ZNF785: variants seen among roughly 807,000 people sequenced by gnomAD.
ZNF785 encodes the protein zinc finger protein 785.
In ZNF785, 15 loss-of-function variants were observed where a neutral mutation model predicts 11.3. That is an observed-to-expected ratio of 1.32 (90% CI 0.89 to 2.04). ZNF785 has a LOEUF of 2.04. ZNF785 is among the 30% of genes most tolerant of loss of function. The pLI is 0.00. For synonymous variants in ZNF785, 221 were observed against 231.0 expected (o/e 0.96, Z 0.39); for missense variants, 572 against 560.9 (o/e 1.02, Z -0.20).
At chr16:30,584,412 G>T (rs1182097255) in intron 2 of ZNF785, among the ~76,000 whole-genome samples, 1 of 152,164 alleles carries the variant, frequency 6.6e-6, no homozygotes, top group Non-Finnish European at 1.5e-5. Context: ...AGCACTTTGG[G>T]AGGCAGAGGC....
In ZNF785 at chr16:30,582,804, G is replaced by T. The variant is rs767466583; in HGVS notation, c.974C>A (p.Ser325Tyr). ...PDCGRRFTYSSLLLSHRRIHS... is the reference protein window; with the variant it reads ...PDCGRRFTYSYLLLSHRRIHS... ...AATGCGCCGGTGACTGAGGAGGAGG[G>T]AAGAATAGGTGAAGCGGCGGCCGCA... The change falls in exon 3 of 3, where the codon TCC (serine) becomes TAC (tyrosine). Residue 325 changes from serine (S) to tyrosine (Y), a missense_variant. Coordinates refer to ENST00000395216, the MANE Select transcript of ZNF785 (RefSeq NM_152458.7). 5 of 1,607,686 alleles carry T rather than the reference G, an allele frequency of 3.1e-6. No homozygotes were observed. Among genetic ancestry groups the T allele is most frequent in the Non-Finnish European group, 4.3e-6 (5 of 1,176,042 alleles).
Position 30,585,549 on chromosome 16 carries a change from C to A in ZNF785, c.63G>T (p.Thr21=). Residue 21 remains threonine (T), a synonymous_variant, in exon 1 of 3, where the codon ACG becomes ACT. Coordinates refer to ENST00000395216, the MANE Select transcript of ZNF785 (RefSeq NM_152458.7). The surrounding 1 kb of genome is among the most constrained non-coding windows in gnomAD (Gnocchi z 4.0). ...HVPGEAGPRR[T]RESRPGAVSF... ...TCACGGCGCCCGGCCTGCTTTCCCT[C>A]GTCCTCCGGGGCCCGGCCTCCCCGG... The A allele has an allele frequency of 5.7e-6, 9 of 1,567,100 alleles. No individual in the cohort carries two copies. The highest frequency in any genetic ancestry group is 3.5e-5 in the South Asian group (3 of 86,308).
At position 30,583,103 on chromosome 16, in the gene ZNF785, C is replaced by T. The variant is rs377150243; in HGVS notation, c.675G>A (p.Glu225=). 4 of 1,614,150 alleles carry T rather than the reference C, an allele frequency of 2.5e-6. No homozygotes were observed. The highest frequency in any genetic ancestry group is 3.4e-6 in the Non-Finnish European group (4 of 1,180,010). Residue 225 remains glutamate, a synonymous_variant, in exon 3 of 3, where the codon GAG becomes GAA. Coordinates refer to ENST00000395216, the MANE Select transcript of ZNF785 (RefSeq NM_152458.7). ...LLQHQFIHTG[E]KPYPCPDCGR... ...CGCAGTCGGGGCAGGGGTAGGGCTT[C>T]TCGCCGGTGTGGATGAACTGATGCT...
At chr16:30,584,279 A>G (rs1003079353) in intron 2 of ZNF785, among the ~76,000 whole-genome samples, 1 of 152,238 alleles carries the variant, frequency 6.6e-6, no homozygotes, top group Non-Finnish European at 1.5e-5. Context: ...TTTACAAAAC[A>G]GCCATTCAAT....
chr16:30,585,670 T>C lies in ZNF785; in HGVS notation c.-59A>G, dbSNP rs2151238768. On this transcript the variant is annotated 5_prime_UTR_variant, in exon 1 of 3. Coordinates refer to ENST00000395216, the MANE Select transcript of ZNF785 (RefSeq NM_152458.7). This position sits in a 1 kb window ranked among gnomAD's most constrained non-coding sequence, Gnocchi z 4.0. ...CCGGGGAAGGTGGAGATGCTGGCGCTTTCCTGTCTTTCCTCAGACAAGTCC... is the reference window on the plus strand; with the variant it reads ...CCGGGGAAGGTGGAGATGCTGGCGCCTTCCTGTCTTTCCTCAGACAAGTCC... The C allele has an allele frequency of 6.9e-7, 1 of 1,443,350 alleles. No individual in the cohort carries two copies. The highest frequency in any genetic ancestry group is 9.0e-7 in the Non-Finnish European group (1 of 1,105,774). The allele number at this position is 1,443,350 out of a possible 1,614,324, so 89.4% of individuals were successfully genotyped here.
At chr16:30,578,450 A>G (rs2051768032), downstream of ZNF785, 1 of 152,252 alleles carries the variant, frequency 6.6e-6, no homozygotes, top group Non-Finnish European at 1.5e-5. Context: ...CACAACATAC[A>G]GGAGATGACT....
In ZNF785 at chr16:30,582,800, G is replaced by A. The variant is rs759773101; in HGVS notation, c.978C>T (p.Leu326=). ...DCGRRFTYSS[L]LLSHRRIHSD... ...AGTGAATGCGCCGGTGACTGAGGAG[G>A]AGGGAAGAATAGGTGAAGCGGCGGC... Residue 326 remains leucine, a synonymous_variant, in exon 3 of 3, where the codon CTC becomes CTT. Coordinates refer to ENST00000395216, the MANE Select transcript of ZNF785 (RefSeq NM_152458.7). 1 of 1,607,718 alleles carries A rather than the reference G, an allele frequency of 6.2e-7. No individual in the cohort carries two copies. The highest frequency in any genetic ancestry group is 1.1e-5 in the South Asian group (1 of 90,416).
Position 30,582,765 on chromosome 16 carries a change from C to A in ZNF785, c.1013G>T (p.Arg338Leu), listed in dbSNP as rs1345721741. 1.2e-6 allele frequency: 2 copies of A among 1,606,356 alleles called. No individual in the cohort carries two copies. Among genetic ancestry groups the A allele is most frequent in the Non-Finnish European group, 1.7e-6 (2 of 1,174,870 alleles). ...CCCACACTCCACGCAGGGGAAGGGC[C>A]GGCTGTCGGAGTGAATGCGCCGGTG... is the stretch of plus-strand genomic sequence containing the variant. ...LSHRRIHSDSRPFPCVECGKG... is the reference protein window; with the variant it reads ...LSHRRIHSDSLPFPCVECGKG... Residue 338 changes from arginine to leucine, a missense_variant, in exon 3 of 3, where the codon CGG (arginine) becomes CTG (leucine). Transcript: ENST00000395216.
In ZNF785 at chr16:30,585,530, C is replaced by A; in HGVS notation, c.82G>T (p.Ala28Ser). The change falls in exon 1 of 3, where the codon GCC (alanine) becomes TCC (serine). Residue 28 changes from alanine to serine, a missense_variant. Transcript: ENST00000395216. The surrounding 1 kb of genome is among the most constrained non-coding windows in gnomAD (Gnocchi z 4.0). Reference protein sequence around the residue: ...PRRTRESRPGAVSFADVAVYF... With the variant: ...PRRTRESRPGSVSFADVAVYF... ...ACGGCCACGTCCGCGAAGCTCACGGCGCCCGGCCTGCTTTCCCTCGTCCTC... is the reference window on the plus strand; with the variant it reads ...ACGGCCACGTCCGCGAAGCTCACGGAGCCCGGCCTGCTTTCCCTCGTCCTC... 1 of 1,584,120 alleles carries A rather than the reference C, an allele frequency of 6.3e-7. No individual in the cohort carries two copies. The highest frequency in any genetic ancestry group is 8.6e-7 in the Non-Finnish European group (1 of 1,166,660).
chr16:30,580,439 C>A (rs1399377770), downstream of ZNF785, among the ~76,000 whole-genome samples: 1 of 151,214 alleles, frequency 6.6e-6, no homozygotes, highest in Non-Finnish European at 1.5e-5. Flanking sequence ...ACTGCAAGCT[C>A]CGCCTCCCGG....
Position 30,585,355 on chromosome 16 carries a change from C to A in ZNF785, c.205+52G>T. 1 of 1,569,732 alleles carries A rather than the reference C, an allele frequency of 6.4e-7. No homozygotes were observed. The highest frequency in any genetic ancestry group is 8.6e-7 in the Non-Finnish European group (1 of 1,160,264). ...CCCACTAGCCTCTGGGGACACCGATCACCGCTTCCCACCGACGGACTGGGG... is the reference window on the plus strand; with the variant it reads ...CCCACTAGCCTCTGGGGACACCGATAACCGCTTCCCACCGACGGACTGGGG... On this transcript the variant is annotated intron_variant, in intron 1 of 2. Transcript: ENST00000395216. This position sits in a 1 kb window ranked among gnomAD's most constrained non-coding sequence, Gnocchi z 4.0.
chr16:30,585,296 G>T lies in ZNF785; in HGVS notation c.206-46C>A. ...GCTCGGCTGAGCGCACGGGAGGGGA[G>T]AATGAGACTGCTCCCTCGGCGCCCC... On this transcript the variant is annotated intron_variant, in intron 1 of 2. Transcript: ENST00000395216. The surrounding 1 kb of genome is among the most constrained non-coding windows in gnomAD (Gnocchi z 4.0). 1 of 1,605,998 alleles carries T rather than the reference G, an allele frequency of 6.2e-7. No individual in the cohort carries two copies. Among genetic ancestry groups the T allele is most frequent in the Non-Finnish European group, 8.5e-7 (1 of 1,176,416 alleles).
downstream of ZNF785, among the ~76,000 whole-genome samples, chr16:30,580,280 TGG>T (rs1297994406): frequency 7.3e-6 from 1 of 136,764 alleles, no homozygotes; most frequent in Non-Finnish European, 1.5e-5. Flanking sequence ...CTCCACCTCC[TGG>T]GTTCAAGCCA....
In ZNF785 at chr16:30,585,279, G is replaced by A. The variant is rs375605039; in HGVS notation, c.206-29C>T. 4.7e-5 allele frequency: 75 copies of A among 1,611,404 alleles called. No individual in the cohort carries two copies. In the African/African-American group the frequency reaches 9.9e-4, roughly 21 times the overall value. On this transcript the variant is annotated intron_variant, in intron 1 of 2. Coordinates refer to ENST00000395216, the MANE Select transcript of ZNF785 (RefSeq NM_152458.7). The surrounding 1 kb of genome is among the most constrained non-coding windows in gnomAD (Gnocchi z 4.0). ...CGAAGGAGAAACAATGGGCTCGGCTGAGCGCACGGGAGGGGAGAATGAGAC... is the reference window on the plus strand; with the variant it reads ...CGAAGGAGAAACAATGGGCTCGGCTAAGCGCACGGGAGGGGAGAATGAGAC...
intron 2 of ZNF785, 131 bp from the exon 3 acceptor site, chr16:30,583,574 T>C (rs2051851177): frequency 7.8e-7 from 1 of 1,286,318 alleles, no homozygotes; most frequent in Non-Finnish European, 1.1e-6. Flanking sequence ...GTTCAGAATA[T>C]GGCGCCCAGG....
Position 30,582,130 on chromosome 16 carries a change from G to T in ZNF785, c.*430C>A. 6.2e-6 allele frequency: 1 copy of T among 162,494 alleles called. No homozygotes were observed. Among genetic ancestry groups the T allele is most frequent in the Non-Finnish European group, 1.3e-5 (1 of 76,396 alleles). The allele number at this position is 162,494 out of a possible 1,614,324, so 10.1% of individuals were successfully genotyped here. On this transcript the variant is annotated 3_prime_UTR_variant, in exon 3 of 3. Transcript: ENST00000395216. ...GGGATGAGCTCCGCCCCCCCCACCA[G>T]CCGAGGGACAGGCCTGAGGTATCCC...
Position 30,585,307 on chromosome 16 carries a change from C to T in ZNF785, c.206-57G>A. The T allele has an allele frequency of 6.3e-7, 1 of 1,596,604 alleles. No homozygotes were observed. ...CGCACGGGAGGGGAGAATGAGACTG[C>T]TCCCTCGGCGCCCCGCTTCCAGCCC... is the stretch of plus-strand genomic sequence containing the variant. On this transcript the variant is annotated intron_variant, in intron 1 of 2. Transcript: ENST00000395216. The surrounding 1 kb of genome is among the most constrained non-coding windows in gnomAD (Gnocchi z 4.0).
At position 30,582,239 on chromosome 16, in the gene ZNF785, G is replaced by C. The variant is rs2051819860; in HGVS notation, c.*321C>G. On this transcript the variant is annotated 3_prime_UTR_variant, in exon 3 of 3. Coordinates refer to ENST00000395216, the MANE Select transcript of ZNF785 (RefSeq NM_152458.7). ...GGGACCCCATCTCAGAGGAGTAGGA[G>C]AGATACAGGCCAAAAAGCAGAGAGC... 1 of 360,386 alleles carries C rather than the reference G, an allele frequency of 2.8e-6. No homozygotes were observed. Among genetic ancestry groups the C allele is most frequent in the East Asian group, 6.4e-5 (1 of 15,510 alleles). The allele number at this position is 360,386 out of a possible 1,614,324, so 22.3% of individuals were successfully genotyped here.
At position 30,585,186 on chromosome 16, in the gene ZNF785, C is replaced by T. The variant is rs755625701; in HGVS notation, c.270G>A (p.Pro90=). The change falls in exon 2 of 3, where the codon CCG becomes CCA. Residue 90 remains proline, a synonymous_variant. Transcript: ENST00000395216. This position sits in a 1 kb window ranked among gnomAD's most constrained non-coding sequence, Gnocchi z 4.0. ...WVEGEVEAWS[P]EAQDPDGESS... ...TCTCACCGTCGGGATCCTGGGCCTC[C>T]GGGCTCCACGCCTCCACTTCTCCTT... The T allele has an allele frequency of 6.2e-7, 1 of 1,614,146 alleles. No individual in the cohort carries two copies. Among genetic ancestry groups the T allele is most frequent in the South Asian group, 1.1e-5 (1 of 91,068 alleles).
Sources: allele counts gnomAD v4.1 joint callset (sites outside exome capture counted in the v4.1 genomes callset), GRCh38; gene constraint gnomAD v4.1.1; non-coding constraint Gnocchi (gnomAD v3.1); transcripts MANE v1.5; gene names NCBI Gene and HGNC (gene_info 2026-07-23, HGNC 2026-07-21).